The following HYDIN variants were observed in gnomAD, a reference collection of about 807,000 sequenced individuals.
The protein encoded by HYDIN is axonemal central pair apparatus protein HYDIN.
A neutral mutation model predicts 403.9 loss-of-function variants in HYDIN; 132 were observed. The ratio of observed to expected loss-of-function variants is 0.33; its 90% confidence interval spans 0.28 to 0.38. The LOEUF (loss-of-function observed/expected upper bound fraction) is 0.38, where lower values mean the gene tolerates loss of function less well. HYDIN is among the 10% of genes least tolerant of loss of function. HYDIN has a pLI of 1.00. For missense variants in HYDIN, 2,827 were observed against 5,009.5 expected (o/e 0.56, Z 13.15); for synonymous variants, 1,202 against 1,891.7 (o/e 0.64, Z 9.46).
intron 45 of HYDIN, among the ~76,000 whole-genome samples, chr16:70,931,941 G>C (rs1459235314): frequency 7.0e-6 from 1 of 142,770 alleles, no homozygotes; most frequent in Non-Finnish European, 1.5e-5. Flanking sequence ...CTTGAACCCA[G>C]GAGGTGGAGG....
rs748848615 is a variant in HYDIN, at chr16:70,882,931, G to A, written c.9980-36C>T. The A allele has an allele frequency of 5.4e-6, 8 of 1,478,548 alleles. No individual in the cohort carries two copies. In the South Asian group the frequency reaches 6.8e-5, roughly 13 times the overall value. The allele number at this position is 1,478,548 out of a possible 1,614,324, so 91.6% of individuals were successfully genotyped here. ...AAGGGGAGACCATGAGATGCTGCCT[G>A]ATTGCTGGATTCCCACTCTGTGATT... is the stretch of plus-strand genomic sequence containing the variant. On this transcript the variant is annotated intron_variant, in intron 59 of 85. Transcript: ENST00000393567.
chr16:70,880,348 C>T (rs1391950272), intron 60 of HYDIN, among the ~76,000 whole-genome samples: 11 of 142,448 alleles, frequency 7.7e-5, no homozygotes, highest in East Asian at 2.0e-4. Context: ...TGTAAGCCGC[C>T]GTGCCGGGCC....
At chr16:71,022,507 C>T (rs912944415) in intron 21 of HYDIN, among the ~76,000 whole-genome samples, 3 of 152,102 alleles carry the variant, frequency 2.0e-5, no homozygotes, top group Non-Finnish European at 2.9e-5. Flanking sequence ...AGGGTTGTTA[C>T]CATTATATTC....
chr16:71,197,580 TAAAG>T (rs1259158457), intron 1 of HYDIN, among the ~76,000 whole-genome samples: 1 of 152,154 alleles, frequency 6.6e-6, no homozygotes, highest in African/African-American at 2.4e-5. Flanking sequence ...GTGCCTCACA[TAAAG>T]AATTATTACA....
At position 70,920,728 on chromosome 16, in the gene HYDIN, C is replaced by A. The variant is rs533258521; in HGVS notation, c.7648G>T (p.Gly2550Trp). 10 of 1,586,272 alleles carry A rather than the reference C, an allele frequency of 6.3e-6. No individual in the cohort carries two copies. In the African/African-American group the frequency reaches 1.1e-4, roughly 17 times the overall value. ...CCTTCGTGGTCCTCCTCCCCTTCCCCCTCCCAGTCGCTCCGCTCCTCCAGG... is the reference window on the plus strand; with the variant it reads ...CCTTCGTGGTCCTCCTCCCCTTCCCACTCCCAGTCGCTCCGCTCCTCCAGG... ...RALEERSDWE[G>W]EGEEDHEGKK... Residue 2550 changes from glycine (G) to tryptophan (W), a missense_variant, in exon 46 of 86, where the codon GGG (glycine) becomes TGG (tryptophan). Transcript: ENST00000393567.
At chr16:70,991,282 G>A (rs377322289) in intron 25 of HYDIN, 36 bp downstream of exon 25, 4 of 1,612,876 alleles carry the variant, frequency 2.5e-6, no homozygotes, top group Non-Finnish European at 3.4e-6. Flanking sequence ...AAGGACCCTT[G>A]ACCTGCCTAC....
At chr16:71,206,254 C>G (rs2088293824) in intron 1 of HYDIN, among the ~76,000 whole-genome samples, 1 of 152,170 alleles carries the variant, frequency 6.6e-6, no homozygotes, top group African/African-American at 2.4e-5. Flanking sequence ...GCAGCCCCAG[C>G]CTGAGGGAGC....
chr16:70,906,742 A>C (rs1250846170), intron 50 of HYDIN, among the ~76,000 whole-genome samples: 2 of 151,954 alleles, frequency 1.3e-5, no homozygotes, highest in East Asian at 1.9e-4. Flanking sequence ...ACTCTTGCTA[A>C]GGCCCCTAGT....
In HYDIN at chr16:71,119,135, CA is replaced by C. The variant is rs1320824637; in HGVS notation, c.1228-3341del. ...GTTTGAAGTGGACCAGGAATGCTTT[CA>C]AAAGTATGATCCCAGCAATCCAGGG... On this transcript the variant is annotated intron_variant, in intron 9 of 85. Coordinates refer to ENST00000393567, the MANE Select transcript of HYDIN (RefSeq NM_001270974.2). 1.3e-5 allele frequency among the ~76,000 whole-genome samples: 2 copies of C among 150,576 alleles called. 1 individual carries two copies. The highest frequency in any genetic ancestry group is 3.9e-4 in the East Asian group (2 of 5,114).
In HYDIN at chr16:70,892,590, G is replaced by T. The variant is rs907798038; in HGVS notation, c.9249-61C>A. 3.2e-6 allele frequency: 5 copies of T among 1,551,250 alleles called. No homozygotes were observed. The African/African-American group carries it at 6.9e-5, about 21-fold the overall frequency. ...TATCCCGGGAACTCAAGATCCCAGA[G>T]AGGAGACTCTAGATGGTTGAGTGCC... On this transcript the variant is annotated intron_variant, in intron 55 of 85. Transcript: ENST00000393567.
At chr16:70,923,881 C>G (rs1224630288) in intron 45 of HYDIN, among the ~76,000 whole-genome samples, 1 of 148,052 alleles carries the variant, frequency 6.8e-6, no homozygotes, top group Non-Finnish European at 1.5e-5. Context: ...GAAGATAATC[C>G]ACAAAGGCAA....
rs971411256 is a variant in HYDIN, at chr16:70,829,324, C to T, written c.14112+294G>A. ...TCTTGGCTCACTGAAACCTCTGCCT[C>T]CTGGGTTCAAGCAATTCTCCTGCCT... On this transcript the variant is annotated intron_variant, in intron 81 of 85. Transcript: ENST00000393567. 5.8e-4 allele frequency among the ~76,000 whole-genome samples: 85 copies of T among 145,804 alleles called. 1 individual carries two copies. The highest frequency in any genetic ancestry group is 2.0e-3 in the African/African-American group (76 of 37,410).
rs368421405 is a variant in HYDIN at position 70,866,319 on chromosome 16, G to A, written c.11321C>T (p.Thr3774Met). Residue 3774 changes from threonine (T) to methionine (M), a missense_variant, in exon 67 of 86, where the codon ACG becomes ATG. Thr to Met is a moderately conservative substitution (Grantham distance 81). Coordinates refer to ENST00000393567, the MANE Select transcript of HYDIN (RefSeq NM_001270974.2). ...TFTTKRKVIE[T>M]DPEPAHSVLE... Reference sequence around the variant, plus strand: ...TACTGAGTGAGCAGGTTCCGGATCCGTCTCTATCACCTGTAACAAAGGCAG... The same window carrying A: ...TACTGAGTGAGCAGGTTCCGGATCCATCTCTATCACCTGTAACAAAGGCAG... The A allele has an allele frequency of 2.5e-5, 30 of 1,186,390 alleles. No individual in the cohort carries two copies. Among genetic ancestry groups the A allele is most frequent in the Non-Finnish European group, 3.0e-5 (25 of 824,234 alleles). 73.5% of individuals were successfully genotyped at this position (1,186,390 alleles called of 1,614,324 possible).
rs1489656095 is a variant in HYDIN at position 71,122,552 on chromosome 16, T to C, written c.1228-6757A>G. Among the ~76,000 whole-genome samples, 265 of 77,800 alleles carry C rather than the reference T, an allele frequency of 3.4e-3. 1 individual carries two copies. The highest frequency in any genetic ancestry group is 4.6e-3 in the Non-Finnish European group (182 of 39,916). 51.0% of individuals were successfully genotyped at this position (77,800 alleles called of 152,430 possible). A position where few individuals can be genotyped will look rare whatever the true frequency, so the allele number is the denominator to read the frequency against. On this transcript the variant is annotated intron_variant, in intron 9 of 85. Coordinates refer to ENST00000393567, the MANE Select transcript of HYDIN (RefSeq NM_001270974.2). ...ATAATGGTAGGAGAAGTGGAAGGAG[T>C]GTGTAGTGAAAAGCTGGGTCTTTCT... is the stretch of plus-strand genomic sequence containing the variant.
chr16:71,160,321 G>A lies in HYDIN; in HGVS notation c.716+2210C>T, dbSNP rs1186716893. Among the ~76,000 whole-genome samples, 3 of 149,084 alleles carry A rather than the reference G, an allele frequency of 2.0e-5. No homozygotes were observed. In the Admixed American group the frequency reaches 2.0e-4, roughly 10 times the overall value. On this transcript the variant is annotated intron_variant, in intron 6 of 85. Coordinates refer to ENST00000393567, the MANE Select transcript of HYDIN (RefSeq NM_001270974.2). ...TTTTAATAGCCCTGCTGGAGCCGGA[G>A]ACAAGGCCTCACAATGGTCAAGTTA...
chr16:71,229,321 T>TA lies in HYDIN; in HGVS notation c.-24+1240dup, dbSNP rs1025439746. On this transcript the variant is annotated intron_variant, in intron 1 of 85. Coordinates refer to ENST00000393567, the MANE Select transcript of HYDIN (RefSeq NM_001270974.2). ...AAAGGAGAATAAAAATATATACATA[T>TA]AAAAAAAAGATCACCTGCTAACAAG... Among the ~76,000 whole-genome samples, 6 of 151,976 alleles carry TA rather than the reference T, an allele frequency of 3.9e-5. No homozygotes were observed. In the East Asian group the frequency reaches 7.7e-4, roughly 20 times the overall value.
chr16:70,834,917 T>TAC (rs1213902713), intron 78 of HYDIN, among the ~76,000 whole-genome samples: 18 of 148,554 alleles, frequency 1.2e-4, no homozygotes, highest in South Asian at 2.1e-4. Context: ...CACACATATA[T>TAC]ACACACATAT....
intron 69 of HYDIN, 84 bp downstream of exon 69, chr16:70,861,964 G>T: frequency 3.9e-6 from 5 of 1,291,004 alleles, no homozygotes; most frequent in Non-Finnish European, 5.1e-6. Flanking sequence ...AAGGATGGTG[G>T]CAGTGGTTGG....
rs1214637060 is a variant in HYDIN, at chr16:70,943,897, C to T, written c.6584G>A (p.Ser2195Asn). Reference protein sequence around the residue: ...PGPIHRWLSVSPSVGGETGLM... With the variant: ...PGPIHRWLSVNPSVGGETGLM... ...CCCGGTCTCGCCTCCGACACTGGGA[C>T]TAACACTGAGCCAGCGGTGGATGGG... Residue 2195 changes from serine to asparagine, a missense_variant, in exon 42 of 86, where the codon AGT (serine) becomes AAT (asparagine). Physicochemically the swap from Ser to Asn is conservative, Grantham distance 46. Transcript: ENST00000393567. 2.5e-6 allele frequency: 4 copies of T among 1,613,668 alleles called. No homozygotes were observed. Among genetic ancestry groups the T allele is most frequent in the Non-Finnish European group, 3.4e-6 (4 of 1,179,970 alleles).
Sources: allele counts gnomAD v4.1 joint callset (sites outside exome capture counted in the v4.1 genomes callset), GRCh38; gene constraint gnomAD v4.1.1; transcripts MANE v1.5; gene names NCBI Gene and HGNC (gene_info 2026-07-23, HGNC 2026-07-21).